KCNQ1: variants seen among roughly 807,000 people sequenced by gnomAD.
KCNQ1 encodes potassium voltage-gated channel subfamily Q member 1, also known as potassium voltage-gated channel subfamily KQT member 1.
Under a neutral mutation model 72.4 loss-of-function variants are expected in KCNQ1, and 49 were observed. The ratio of observed to expected loss-of-function variants is 0.68; its 90% CI spans 0.54 to 0.86. The LOEUF (loss-of-function observed/expected upper bound fraction) is 0.86, where lower values mean the gene tolerates loss of function less well. KCNQ1 is among the 40% of genes least tolerant of loss of function. KCNQ1 has a pLI of 0.00. For missense variants in KCNQ1, 790 were observed against 945.1 expected (o/e 0.84, Z 2.15); for synonymous variants, 450 against 412.6 (o/e 1.09, Z -1.10).
rs558802601 is a variant in KCNQ1, at chr11:2,579,012, C to T, written c.922-4423C>T. 1.5e-3 allele frequency among the ~76,000 whole-genome samples: 235 copies of T among 152,328 alleles called. No homozygotes were observed. The highest frequency in any genetic ancestry group is 5.1e-3 in the African/African-American group (211 of 41,582). On this transcript the variant is annotated intron_variant, in intron 6 of 15. Coordinates refer to ENST00000155840, the MANE Select transcript of KCNQ1 (RefSeq NM_000218.3). This position sits in a 1 kb window ranked among gnomAD's most constrained non-coding sequence, Gnocchi z 6.0. ...ACACCTCTGGGCTACCCCCTCCTCC[C>T]GCTCTTGACCACCCCTTCCTCTGGA...
At position 2,623,020 on chromosome 11, in the gene KCNQ1, G is replaced by A; in HGVS notation, c.1393+34166G>A. ...TCTCATCTTGAACTGTAATCCCCAT[G>A]TGTCAGGGGAGGGGCCTGGTGGGGG... On this transcript the variant is annotated intron_variant, in intron 10 of 15. Transcript: ENST00000155840. The surrounding 1 kb of genome is among the most constrained non-coding windows in gnomAD (Gnocchi z 5.2). 1 of 398,664 alleles carries A rather than the reference G, an allele frequency of 2.5e-6. No homozygotes were observed. The highest frequency in any genetic ancestry group is 4.4e-6 in the Non-Finnish European group (1 of 226,114). The allele number at this position is 398,664 out of a possible 1,614,324, so 24.7% of individuals were successfully genotyped here. A position where few individuals can be genotyped will look rare whatever the true frequency, so the allele number is the denominator to read the frequency against.
At position 2,759,338 on chromosome 11, in the gene KCNQ1, G is replaced by A. The variant is rs952381510; in HGVS notation, c.1515-9506G>A. Among the ~76,000 whole-genome samples the A allele has an allele frequency of 6.6e-6, 1 of 152,122 alleles. No homozygotes were observed. Among genetic ancestry groups the A allele is most frequent in the Admixed American group, 6.5e-5 (1 of 15,270 alleles). On this transcript the variant is annotated intron_variant, in intron 11 of 15. Coordinates refer to ENST00000155840, the MANE Select transcript of KCNQ1 (RefSeq NM_000218.3). The surrounding 1 kb of genome is among the most constrained non-coding windows in gnomAD (Gnocchi z 4.4). ...TCAGTTTCCCTCTTCATGTCTCCTGGGTCCTCCAGCACTCTGGGTTTCCTC... is the reference window on the plus strand; with the variant it reads ...TCAGTTTCCCTCTTCATGTCTCCTGAGTCCTCCAGCACTCTGGGTTTCCTC...
rs554056077 is a variant in KCNQ1, at chr11:2,809,409, G to C, written c.1794+31372G>C. 6.6e-6 allele frequency among the ~76,000 whole-genome samples: 1 copy of C among 152,262 alleles called. No homozygotes were observed. Among genetic ancestry groups the C allele is most frequent in the East Asian group, 1.9e-4 (1 of 5,178 alleles). ...TGCAACCCCGCCCCCGCAGCCTCCT[G>C]GTGCAGCACGTGTTCATTTATGGGT... is the stretch of plus-strand genomic sequence containing the variant. On this transcript the variant is annotated intron_variant, in intron 15 of 15. Coordinates refer to ENST00000155840, the MANE Select transcript of KCNQ1 (RefSeq NM_000218.3). This position sits in a 1 kb window ranked among gnomAD's most constrained non-coding sequence, Gnocchi z 7.1.
rs150799456 is a variant in KCNQ1 at position 2,461,860 on chromosome 11, G to T, written c.386+16376G>T. On this transcript the variant is annotated intron_variant, in intron 1 of 15. Coordinates refer to ENST00000155840, the MANE Select transcript of KCNQ1 (RefSeq NM_000218.3). Reference sequence around the variant, plus strand: ...TGGGTGGGTGGAGAGAGAAAGGGGTGGGTGGACGGAGGGATGGGCAGGGAG... The same window carrying T: ...TGGGTGGGTGGAGAGAGAAAGGGGTTGGTGGACGGAGGGATGGGCAGGGAG... 9.2e-4 allele frequency: 513 copies of T among 556,594 alleles called. 6 individuals carry two copies. The African/African-American group carries it at 9.6e-3, about 10-fold the overall frequency. The allele number at this position is 556,594 out of a possible 1,614,324, so 34.5% of individuals were successfully genotyped here. A position where few individuals can be genotyped will look rare whatever the true frequency, so the allele number is the denominator to read the frequency against.
intron 11 of KCNQ1, among the ~76,000 whole-genome samples, chr11:2,729,533 C>T (rs1378995874): frequency 6.6e-6 from 1 of 152,230 alleles, no homozygotes; most frequent in Non-Finnish European, 1.5e-5. Context: ...TCCATGGATT[C>T]AACCAACTGT....
chr11:2,456,888 G>A (rs867081963), intron 1 of KCNQ1, among the ~76,000 whole-genome samples: 17 of 141,548 alleles, frequency 1.2e-4, no homozygotes, highest in South Asian at 4.5e-4. Flanking sequence ...GCAGTAAGCC[G>A]AGATCACGCC....
rs1201063386 is a variant in KCNQ1 at position 2,783,815 on chromosome 11, C to A, written c.1794+5778C>A. Among the ~76,000 whole-genome samples, 1 of 151,984 alleles carries A rather than the reference C, an allele frequency of 6.6e-6. No individual in the cohort carries two copies. The highest frequency in any genetic ancestry group is 1.9e-4 in the East Asian group (1 of 5,202). On this transcript the variant is annotated intron_variant, in intron 15 of 15. Transcript: ENST00000155840. This position sits in a 1 kb window ranked among gnomAD's most constrained non-coding sequence, Gnocchi z 5.2. Reference sequence around the variant, plus strand: ...AGTCTTCTTTGGTGAAATGTTTATTCAACTCTCTTGCCCATTTTCTAATTA... The same window carrying A: ...AGTCTTCTTTGGTGAAATGTTTATTAAACTCTCTTGCCCATTTTCTAATTA...
Position 2,698,718 on chromosome 11 carries a change from C to T in KCNQ1, c.1514+36637C>T, listed in dbSNP as rs1590039442. 1 of 398,916 alleles carries T rather than the reference C, an allele frequency of 2.5e-6. No homozygotes were observed. The highest frequency in any genetic ancestry group is 4.4e-6 in the Non-Finnish European group (1 of 226,204). The allele number at this position is 398,916 out of a possible 1,614,324, so 24.7% of individuals were successfully genotyped here. On this transcript the variant is annotated intron_variant, in intron 11 of 15. Transcript: ENST00000155840. The surrounding 1 kb of genome is among the most constrained non-coding windows in gnomAD (Gnocchi z 5.1). ...ACAGACTCCAGACCCTGACTCCAGT[C>T]GCCAACTCGGACCTCCCTTGGATCT... is the stretch of plus-strand genomic sequence containing the variant.
intron 2 of KCNQ1, among the ~76,000 whole-genome samples, chr11:2,528,530 C>T (rs1010556659): frequency 1.3e-5 from 2 of 152,212 alleles, no homozygotes; most frequent in African/African-American, 4.8e-5. Flanking sequence ...AGGGCAGGCT[C>T]ATAGCCTGGT....
Position 2,452,582 on chromosome 11 carries a change from T to A in KCNQ1, c.386+7098T>A, listed in dbSNP as rs986886775. ...TATATCTAAGCAGCCCCGGGAACCATGCGCTTCAAGCGTTTGATCTTGACG... is the reference window on the plus strand; with the variant it reads ...TATATCTAAGCAGCCCCGGGAACCAAGCGCTTCAAGCGTTTGATCTTGACG... On this transcript the variant is annotated intron_variant, in intron 1 of 15. Coordinates refer to ENST00000155840, the MANE Select transcript of KCNQ1 (RefSeq NM_000218.3). Among the ~76,000 whole-genome samples, 72 of 152,290 alleles carry A rather than the reference T, an allele frequency of 4.7e-4. 1 individual carries two copies. The highest frequency in any genetic ancestry group is 1.6e-3 in the African/African-American group (68 of 41,548).
At chr11:2,665,592 A>G in intron 11 of KCNQ1, 2 of 395,926 alleles carry the variant, frequency 5.1e-6, no homozygotes, top group Non-Finnish European at 4.4e-6. Context: ...CTGCTCAGTA[A>G]ACCCCCCAGG....
At chr11:2,696,635 A>T in intron 11 of KCNQ1, 1 of 398,680 alleles carries the variant, frequency 2.5e-6, no homozygotes, top group Non-Finnish European at 4.4e-6. Flanking sequence ...TGTTGAACTT[A>T]ACAGATTTGG....
In KCNQ1 at chr11:2,658,364, G is replaced by A. The variant is rs1187434463; in HGVS notation, c.1394-3597G>A. On this transcript the variant is annotated intron_variant, in intron 10 of 15. Transcript: ENST00000155840. The surrounding 1 kb of genome is among the most constrained non-coding windows in gnomAD (Gnocchi z 4.9). ...TAATTTTATCAGTGTGGATTTGGGA[G>A]TATTTATTTTTTGAGTTATAGTCCA... The A allele has an allele frequency of 2.5e-6, 1 of 398,370 alleles. No homozygotes were observed. The highest frequency in any genetic ancestry group is 4.4e-6 in the Non-Finnish European group (1 of 226,038). 24.7% of individuals were successfully genotyped at this position (398,370 alleles called of 1,614,324 possible).
chr11:2,594,721 A>G (rs1240362198), intron 10 of KCNQ1, among the ~76,000 whole-genome samples: 1 of 152,074 alleles, frequency 6.6e-6, no homozygotes, highest in East Asian at 1.9e-4. Flanking sequence ...AAATCCTTGT[A>G]TGGGGGTTTA....
chr11:2,845,334 T>C (rs1448434633), intron 15 of KCNQ1, among the ~76,000 whole-genome samples: 3 of 151,948 alleles, frequency 2.0e-5, no homozygotes, highest in Non-Finnish European at 2.9e-5. Context: ...ATGGGAGACA[T>C]GGCACTTTCA....
chr11:2,762,353 C>T lies in KCNQ1; in HGVS notation c.1515-6491C>T, dbSNP rs1385862324. ...AGGCCCGATTGCCTCATAGTTAGGC[C>T]TGTGACTCTCCCTGGGTTAACTTTG... On this transcript the variant is annotated intron_variant, in intron 11 of 15. Coordinates refer to ENST00000155840, the MANE Select transcript of KCNQ1 (RefSeq NM_000218.3). The surrounding 1 kb of genome is among the most constrained non-coding windows in gnomAD (Gnocchi z 4.3). Among the ~76,000 whole-genome samples, 1 of 152,210 alleles carries T rather than the reference C, an allele frequency of 6.6e-6. No homozygotes were observed. Among genetic ancestry groups the T allele is most frequent in the Non-Finnish European group, 1.5e-5 (1 of 68,036 alleles).
intron 6 of KCNQ1, among the ~76,000 whole-genome samples, chr11:2,580,833 G>C (rs560541587): frequency 2.0e-5 from 3 of 152,230 alleles, no homozygotes; most frequent in Non-Finnish European, 4.4e-5. Flanking sequence ...ATGTCCAGGC[G>C]GGGTGGGACT....
chr11:2,493,609 C>A lies in KCNQ1; in HGVS notation c.387-34319C>A, dbSNP rs1846868463. On this transcript the variant is annotated intron_variant, in intron 1 of 15. Transcript: ENST00000155840. This position sits in a 1 kb window ranked among gnomAD's most constrained non-coding sequence, Gnocchi z 5.3. ...CAGCACCATTTATTAAATAGAGAAT[C>A]CTTTCCGCATTGCTTTTTTGTCAGG... 6.6e-6 allele frequency among the ~76,000 whole-genome samples: 1 copy of A among 152,186 alleles called. No individual in the cohort carries two copies.
At chr11:2,757,881 A>T (rs1385547378) in intron 11 of KCNQ1, among the ~76,000 whole-genome samples, 1 of 152,226 alleles carries the variant, frequency 6.6e-6, no homozygotes, top group Non-Finnish European at 1.5e-5. Context: ...TAAAACCCTG[A>T]CCTAAGTCTC....
Sources: gnomAD v4.1 joint callset for allele counts (sites outside exome capture counted in the v4.1 genomes callset) on GRCh38, gnomAD v4.1.1 for gene constraint, Gnocchi (gnomAD v3.1) non-coding constraint, MANE v1.5 for transcripts, NCBI Gene and HGNC (gene_info 2026-07-23, HGNC 2026-07-21) for gene names.